The following DCLK1 variants were observed in gnomAD, a reference collection of about 807,000 sequenced individuals.
The protein encoded by DCLK1 is doublecortin like kinase 1, also known as serine/threonine-protein kinase DCLK1.
A neutral mutation model predicts 86.2 loss-of-function variants in DCLK1; 16 were observed. That is an observed-to-expected ratio of 0.19 (90% CI 0.13 to 0.28). The LOEUF is 0.28. Among genes scored for constraint, DCLK1 ranks in the 10% least tolerant of loss-of-function variants. The pLI is 1.00. For synonymous variants in DCLK1, 369 were observed against 370.5 expected (o/e 1.00, Z 0.05); for missense variants, 590 against 940.2 (o/e 0.63, Z 4.87).
At chr13:36,044,122 T>C (rs547559386) in intron 3 of DCLK1, among the ~76,000 whole-genome samples, 1 of 152,234 alleles carries the variant, frequency 6.6e-6, no homozygotes, top group African/African-American at 2.4e-5. Flanking sequence ...GAGTCTGCAA[T>C]TTCCTTCCCC....
At chr13:36,035,284 G>C (rs1352362229) in intron 3 of DCLK1, among the ~76,000 whole-genome samples, 1 of 152,054 alleles carries the variant, frequency 6.6e-6, no homozygotes, top group Non-Finnish European at 1.5e-5. Flanking sequence ...GTTTTGCAGT[G>C]ATATTTGGAA....
At chr13:35,891,163 A>C (rs1259200787) in intron 4 of DCLK1, among the ~76,000 whole-genome samples, 1 of 152,156 alleles carries the variant, frequency 6.6e-6, no homozygotes, top group Non-Finnish European at 1.5e-5. Context: ...AGGTGGCATT[A>C]TGGGTCCTGA....
At chr13:35,946,052 G>T (rs1056005802) in intron 4 of DCLK1, among the ~76,000 whole-genome samples, 6 of 151,982 alleles carry the variant, frequency 3.9e-5, no homozygotes, top group African/African-American at 1.2e-4. Context: ...TTGCTCTATC[G>T]CCCAGACCAA....
Position 35,822,825 on chromosome 13 carries a change from T to G in DCLK1, c.1458A>C (p.Arg486Ser). Residue 486 changes from arginine (R) to serine (S), a missense_variant, in exon 11 of 17, where the codon AGA becomes AGC. Transcript: ENST00000360631. Reference protein sequence around the residue: ...AITSTNKYTERDASGMLYNLA... With the variant: ...AITSTNKYTESDASGMLYNLA... ...GGTTGTACAGCATCCCACTGGCGTC[T>G]CTCTCGGTGTATTTGTTAGTGGAAG... 1 of 1,613,798 alleles carries G rather than the reference T, an allele frequency of 6.2e-7. No individual in the cohort carries two copies. The highest frequency in any genetic ancestry group is 8.5e-7 in the Non-Finnish European group (1 of 1,179,956).
intron 4 of DCLK1, among the ~76,000 whole-genome samples, chr13:35,913,713 G>GA (rs1555349583): frequency 1.3e-5 from 2 of 151,964 alleles, no homozygotes; most frequent in Non-Finnish European, 2.9e-5. Context: ...GTTCCTAAGT[G>GA]TTTTTTCCCA....
chr13:36,073,260 C>A (rs1265095198), intron 3 of DCLK1, among the ~76,000 whole-genome samples: 1 of 152,176 alleles, frequency 6.6e-6, no homozygotes, highest in Non-Finnish European at 1.5e-5. Flanking sequence ...CTACGTCCAG[C>A]CCCAGACAAC....
chr13:35,954,077 ACTTT>A (rs886510609), intron 3 of DCLK1, among the ~76,000 whole-genome samples: 2 of 152,138 alleles, frequency 1.3e-5, no homozygotes, highest in African/African-American at 4.8e-5. Flanking sequence ...TTCTGTTTTA[ACTTT>A]CTTTTTCTTT....
chr13:35,848,766 C>T, intron 6 of DCLK1: 2 of 985,278 alleles, frequency 2.0e-6, no homozygotes, highest in Non-Finnish European at 2.4e-6. Flanking sequence ...AGTAACTGTT[C>T]CACTGCTTTC....
chr13:35,810,111 C>T (rs150989646), intron 12 of DCLK1, among the ~76,000 whole-genome samples: 3 of 152,162 alleles, frequency 2.0e-5, no homozygotes, highest in Non-Finnish European at 4.4e-5. Context: ...GAGTCTTTGA[C>T]TCAGGCTGAC....
chr13:35,805,831 G>C (rs2087016406), intron 14 of DCLK1, 52 bp from the exon 15 acceptor site: 2 of 1,529,070 alleles, frequency 1.3e-6, no homozygotes, highest in Admixed American at 3.7e-5. Flanking sequence ...GTGAAAAGCT[G>C]TATGTGTGCA....
At chr13:36,096,423 T>C (rs1885024025) in intron 3 of DCLK1, among the ~76,000 whole-genome samples, 1 of 152,264 alleles carries the variant, frequency 6.6e-6, no homozygotes, top group Admixed American at 6.5e-5. Context: ...AAAGGCATTT[T>C]CAATGATGGT....
At chr13:36,038,371 G>A (rs1039077189) in intron 3 of DCLK1, among the ~76,000 whole-genome samples, 5 of 152,162 alleles carry the variant, frequency 3.3e-5, no homozygotes, top group Admixed American at 6.5e-5. Flanking sequence ...CCAGGGGCAG[G>A]GCAGAGAATC....
chr13:35,981,777 C>T (rs1159857645), intron 3 of DCLK1, among the ~76,000 whole-genome samples: 1 of 152,150 alleles, frequency 6.6e-6, no homozygotes, highest in Non-Finnish European at 1.5e-5. Flanking sequence ...GTCTTTGAGA[C>T]CCTGCTTTCA....
intron 6 of DCLK1, 33 bp downstream of exon 6, chr13:35,854,466 G>C: frequency 6.4e-7 from 1 of 1,553,920 alleles, no homozygotes; most frequent in Non-Finnish European, 8.7e-7. Flanking sequence ...GGCTGAGACA[G>C]GTCTGAAACA....
chr13:35,928,372 C>T (rs543342276), intron 4 of DCLK1, among the ~76,000 whole-genome samples: 2 of 152,306 alleles, frequency 1.3e-5, no homozygotes, highest in South Asian at 4.1e-4. Flanking sequence ...GCCCTCTGCA[C>T]TAACTGCTCC....
chr13:35,859,674 A>G (rs531807677), intron 5 of DCLK1, among the ~76,000 whole-genome samples: 1 of 152,260 alleles, frequency 6.6e-6, no homozygotes, highest in African/African-American at 2.4e-5. Flanking sequence ...ACTCTTCTTC[A>G]CTAACTGGAG....
chr13:35,938,807 C>T (rs1876916308), intron 4 of DCLK1, among the ~76,000 whole-genome samples: 1 of 152,018 alleles, frequency 6.6e-6, no homozygotes, highest in East Asian at 1.9e-4. Flanking sequence ...CCAGGATTCA[C>T]CTATAATTCT....
At position 35,938,899 on chromosome 13, in the gene DCLK1, A is replaced by G. The variant is rs141911402; in HGVS notation, c.823+8459T>C. Among the ~76,000 whole-genome samples, 896 of 152,318 alleles carry G rather than the reference A, an allele frequency of 5.9e-3. 9 individuals carry two copies. The highest frequency in any genetic ancestry group is 0.02 in the African/African-American group (841 of 41,578). On this transcript the variant is annotated intron_variant, in intron 4 of 16. Transcript: ENST00000360631. Reference sequence around the variant, plus strand: ...AAAAGGAAGGCCTGTGAGGACCGGAAGAGAAAATGTAAAGAAAAGATTGCA... The same window carrying G: ...AAAAGGAAGGCCTGTGAGGACCGGAGGAGAAAATGTAAAGAAAAGATTGCA...
chr13:35,840,439 T>A (rs1223471109), intron 6 of DCLK1, among the ~76,000 whole-genome samples: 2 of 152,210 alleles, frequency 1.3e-5, no homozygotes, highest in African/African-American at 2.4e-5. Flanking sequence ...GATGAGCATG[T>A]CCCATTGGTC....
Sources: gnomAD v4.1 joint callset for allele counts (sites outside exome capture counted in the v4.1 genomes callset) on GRCh38, gnomAD v4.1.1 for gene constraint, MANE v1.5 for transcripts, NCBI Gene and HGNC (gene_info 2026-07-23, HGNC 2026-07-21) for gene names.